ATG7: variants seen among roughly 807,000 people sequenced by gnomAD.
ATG7 encodes ubiquitin-like modifier-activating enzyme ATG7.
Under a neutral mutation model 82.4 loss-of-function variants are expected in ATG7, and 70 were observed. The observed-to-expected ratio is 0.85, with a 90% CI of 0.70 to 1.04. The LOEUF is 1.04. Ranked by LOEUF, ATG7 falls within the 50% of genes least tolerant of loss-of-function variation. ATG7 has a pLI of 0.00. For synonymous variants in ATG7, 287 were observed against 313.0 expected, an observed-to-expected ratio of 0.92 and a Z score of 0.88; for missense variants, 792 against 864.3, an observed-to-expected ratio of 0.92 and a Z score of 1.05.
chr3:11,346,211 AG>A (rs369427169), intron 13 of ATG7, among the ~76,000 whole-genome samples: 5 of 152,324 alleles, frequency 3.3e-5, no homozygotes, highest in African/African-American at 1.2e-4. Context: ...GCCTTCTGAT[AG>A]GATGAAACAT....
intron 20 of ATG7, among the ~76,000 whole-genome samples, chr3:11,524,809 A>G (rs2092532065): frequency 6.6e-6 from 1 of 151,938 alleles, no homozygotes; most frequent in Admixed American, 6.6e-5. Context: ...CAAAAACAAA[A>G]AAAAACAAAA....
At chr3:11,477,264 A>G (rs2088364609) in intron 20 of ATG7, 2 of 1,259,550 alleles carry the variant, frequency 1.6e-6, no homozygotes, top group African/African-American at 3.1e-5. Context: ...GCTTTGTTCC[A>G]TAAGGTAGAT....
intron 19 of ATG7, among the ~76,000 whole-genome samples, chr3:11,419,694 G>A (rs2081757823): frequency 6.6e-6 from 1 of 152,184 alleles, no homozygotes; most frequent in African/African-American, 2.4e-5. Flanking sequence ...GGGTGTGGGG[G>A]CGCTGAAATG....
chr3:11,392,494 AAAAC>A (rs2078901076), intron 19 of ATG7, among the ~76,000 whole-genome samples: 1 of 151,776 alleles, frequency 6.6e-6, no homozygotes, highest in Admixed American at 6.6e-5. Context: ...ACAAAACAAA[AAAAC>A]AAAAGCTTAG....
intron 20 of ATG7, among the ~76,000 whole-genome samples, chr3:11,500,630 A>G (rs930921213): frequency 6.6e-6 from 1 of 152,154 alleles, no homozygotes; most frequent in African/African-American, 2.4e-5. Flanking sequence ...GCTTAGGAAA[A>G]TTCTTCAACT....
At chr3:11,304,103 A>G (rs1575301659) in intron 5 of ATG7, among the ~76,000 whole-genome samples, 2 of 152,166 alleles carry the variant, frequency 1.3e-5, no homozygotes, top group Admixed American at 1.3e-4. Flanking sequence ...AAAGAAAAAA[A>G]TGTTTTTCTT....
At chr3:11,518,249 G>A (rs1276291943) in intron 20 of ATG7, among the ~76,000 whole-genome samples, 1 of 74,034 alleles carries the variant, frequency 1.4e-5, no homozygotes, top group African/African-American at 3.4e-5. Context: ...AGACTGTATT[G>A]AAAAACCTGA....
the ATG7 span, among the ~76,000 whole-genome samples, chr3:11,567,173 C>T: frequency 1.3e-5 from 2 of 152,114 alleles, no homozygotes; most frequent in South Asian, 2.1e-4. Flanking sequence ...CGAGGCGTTC[C>T]GAGCCTCGGC....
downstream of ATG7, among the ~76,000 whole-genome samples, chr3:11,559,875 A>G (rs910637180): frequency 6.6e-6 from 1 of 152,038 alleles, no homozygotes; most frequent in African/African-American, 2.4e-5. Context: ...CATCCAGGAC[A>G]CTTCAATACA....
At chr3:11,549,687 A>G (rs1476658973) in intron 20 of ATG7, among the ~76,000 whole-genome samples, 2 of 152,176 alleles carry the variant, frequency 1.3e-5, no homozygotes, top group East Asian at 3.8e-4. Flanking sequence ...TCTGAGTAAG[A>G]CTGCTGCGGA....
At chr3:11,454,985 A>G (rs1022556131) in intron 20 of ATG7, among the ~76,000 whole-genome samples, 1 of 152,204 alleles carries the variant, frequency 6.6e-6, no homozygotes, top group African/African-American at 2.4e-5. Context: ...ATAGCATAAC[A>G]TATGGAAAGA....
At chr3:11,503,088 A>T (rs2091459125) in intron 20 of ATG7, among the ~76,000 whole-genome samples, 1 of 152,168 alleles carries the variant, frequency 6.6e-6, no homozygotes, top group Non-Finnish European at 1.5e-5. Flanking sequence ...GTCAGGCTCA[A>T]ATACCTTCCA....
intron 3 of ATG7, among the ~76,000 whole-genome samples, chr3:11,293,006 A>C (rs1357704415): frequency 6.6e-6 from 1 of 152,190 alleles, no homozygotes; most frequent in Non-Finnish European, 1.5e-5. Context: ...ATTGAAGATG[A>C]CTTTGAAATT....
chr3:11,368,367 T>C (rs1343043276), intron 18 of ATG7, among the ~76,000 whole-genome samples: 1 of 151,946 alleles, frequency 6.6e-6, no homozygotes, highest in East Asian at 1.9e-4. Flanking sequence ...TCAGGATTTA[T>C]AAAATGTACA....
chr3:11,558,756 C>T (rs763815966), downstream of ATG7: 12 of 1,614,036 alleles, frequency 7.4e-6, no homozygotes, highest in Non-Finnish European at 1.0e-5. Flanking sequence ...GGTGCCGGCT[C>T]GGGCTCCTTG....
intron 7 of ATG7, among the ~76,000 whole-genome samples, chr3:11,310,998 A>G (rs545252349): frequency 1.3e-5 from 2 of 152,328 alleles, no homozygotes; most frequent in East Asian, 3.9e-4. Flanking sequence ...CTTGAACGTC[A>G]GTACGCTTTC....
intron 20 of ATG7, among the ~76,000 whole-genome samples, chr3:11,481,844 T>A (rs1296865619): frequency 7.7e-4 from 117 of 152,340 alleles, no homozygotes; most frequent in Non-Finnish European, 1.4e-3. Flanking sequence ...GCAGTTTATT[T>A]ATCTGTAAGA....
intron 8 of ATG7, among the ~76,000 whole-genome samples, chr3:11,314,480 A>C (rs1402527653): frequency 6.6e-6 from 1 of 152,210 alleles, no homozygotes; most frequent in East Asian, 1.9e-4. Context: ...AGGAAATATA[A>C]GTAAGGAAAA....
At chr3:11,368,311 C>T (rs2076766646) in intron 18 of ATG7, among the ~76,000 whole-genome samples, 1 of 150,820 alleles carries the variant, frequency 6.6e-6, no homozygotes, top group African/African-American at 2.4e-5. Context: ...TGGCTGAGCT[C>T]TGCAAGGCCA....
Sources: gnomAD v4.1 joint callset for allele counts (sites outside exome capture counted in the v4.1 genomes callset) on GRCh38, gnomAD v4.1.1 for gene constraint, MANE v1.5 for transcripts, NCBI Gene and HGNC (gene_info 2026-07-23, HGNC 2026-07-21) for gene names.